Variants in GRAMD2A observed in about 807,000 individuals in gnomAD.
GRAMD2A encodes the protein GRAM domain containing 2A, also known as GRAM domain-containing protein 2A.
Under a neutral mutation model 51.1 loss-of-function variants are expected in GRAMD2A, and 37 were observed. That is an observed-to-expected ratio of 0.72 (90% CI 0.56 to 0.95). The LOEUF is 0.95. Ranked by LOEUF, GRAMD2A falls within the 40% of genes least tolerant of loss-of-function variation. The probability of loss-of-function intolerance (pLI) is 0.00; values close to 1 mark genes in which losing one functional copy is unlikely to be tolerated. For synonymous variants in GRAMD2A, 136 were observed against 157.1 expected (o/e 0.87, Z 1.01); for missense variants, 414 against 426.9 (o/e 0.97, Z 0.27).
chr15:72,180,477 C>G (rs1416237596), intron 1 of GRAMD2A, among the ~76,000 whole-genome samples: 2 of 152,268 alleles, frequency 1.3e-5, no homozygotes, highest in Non-Finnish European at 2.9e-5. Context: ...GTGAGGGGGC[C>G]TGCAGACAGG....
In GRAMD2A at chr15:72,196,479, G is replaced by A. The variant is rs533560078; in HGVS notation, c.41+1252C>T. Among the ~76,000 whole-genome samples, 16 of 151,870 alleles carry A rather than the reference G, an allele frequency of 1.1e-4. No individual in the cohort carries two copies. In the South Asian group the frequency reaches 3.3e-3, roughly 32 times the overall value. On this transcript the variant is annotated intron_variant, in intron 1 of 11. Transcript: ENST00000309731. ...TGCAGTGAGCCAAGATCCCACCACG[G>A]CACTCCAGCCTGGGTGACAGAGTGA...
At chr15:72,167,138 G>T (rs374565144) in intron 5 of GRAMD2A, 46 bp from the exon 6 acceptor site, 7 of 1,443,606 alleles carry the variant, frequency 4.8e-6, no homozygotes, top group African/African-American at 2.8e-5. Context: ...CCCCAAGGAC[G>T]TGGTCCCTTT....
intron 8 of GRAMD2A, among the ~76,000 whole-genome samples, chr15:72,164,403 C>T (rs1181597965): frequency 1.5e-5 from 2 of 130,370 alleles, no homozygotes; most frequent in African/African-American, 5.5e-5. Context: ...TCCCTAGGGA[C>T]ATCTTTTATT....
In GRAMD2A at chr15:72,170,490, T is replaced by G. The variant is rs7182776; in HGVS notation, c.42-551A>C. On this transcript the variant is annotated intron_variant, in intron 1 of 11. Transcript: ENST00000309731. The surrounding 1 kb of genome is among the most constrained non-coding windows in gnomAD (Gnocchi z 4.5). ...GTGGCCAGGAGGGGAGGAGCCGTCT[T>G]ATACCAGGAAGTGGCCTCAGCCACC... 2.2e-6 allele frequency: 1 copy of G among 445,462 alleles called. No individual in the cohort carries two copies. Among genetic ancestry groups the G allele is most frequent in the Non-Finnish European group, 4.5e-6 (1 of 221,302 alleles). 27.6% of individuals were successfully genotyped at this position (445,462 alleles called of 1,614,324 possible). A position where few individuals can be genotyped will look rare whatever the true frequency, so the allele number is the denominator to read the frequency against.
intron 7 of GRAMD2A, among the ~76,000 whole-genome samples, chr15:72,165,766 A>T (rs181533996): frequency 3.2e-4 from 48 of 152,350 alleles, no homozygotes; most frequent in African/African-American, 1.1e-3. Context: ...GGTTCCACTT[A>T]AGATTTTTCA....
rs576922158 is a variant in GRAMD2A at position 72,167,609 on chromosome 15, C to A, written c.372+127G>T. ...ATGGGATGCCTCGAAGCTGCGCATC[C>A]AACCAGCAAGGGGCTTCACCCGGGG... On this transcript the variant is annotated intron_variant, in intron 5 of 11. Coordinates refer to ENST00000309731, the MANE Select transcript of GRAMD2A (RefSeq NM_001012642.3). 5.3e-6 allele frequency: 4 copies of A among 757,996 alleles called. No individual in the cohort carries two copies. The Admixed American group carries it at 7.1e-5, about 14-fold the overall frequency. 47.0% of individuals were successfully genotyped at this position (757,996 alleles called of 1,614,324 possible).
intron 1 of GRAMD2A, among the ~76,000 whole-genome samples, chr15:72,186,010 C>T (rs891340766): frequency 6.6e-6 from 1 of 152,130 alleles, no homozygotes; most frequent in Non-Finnish European, 1.5e-5. Flanking sequence ...AGATTTAAAA[C>T]TTCTGTATAT....
chr15:72,162,358 A>G lies in GRAMD2A; in HGVS notation c.976T>C (p.Ser326Pro). The change falls in exon 11 of 12, where the codon TCC becomes CCC. Residue 326 changes from serine (S) to proline (P), a missense_variant. Physicochemically the swap from Ser to Pro is moderately conservative, Grantham distance 74 (BLOSUM62 -1). Transcript: ENST00000309731. ...ATACGGAACGCCAGGTAGGATGAGG[A>G]CATGACCAGGAAGCAGATCCTGAAG... Reference protein sequence around the residue: ...FFVLICFLVMSSSYLAFRISR... With the variant: ...FFVLICFLVMPSSYLAFRISR... The G allele has an allele frequency of 6.2e-7, 1 of 1,613,766 alleles. No individual in the cohort carries two copies.
At chr15:72,184,864 T>G (rs983361594) in intron 1 of GRAMD2A, among the ~76,000 whole-genome samples, 3 of 152,214 alleles carry the variant, frequency 2.0e-5, no homozygotes, top group Non-Finnish European at 2.9e-5. Flanking sequence ...TTGAAGATGG[T>G]CAGATAAACT....
intron 8 of GRAMD2A, 124 bp downstream of exon 8, chr15:72,165,230 T>C: frequency 1.2e-6 from 1 of 816,192 alleles, no homozygotes; most frequent in South Asian, 1.6e-5. Flanking sequence ...TGGCATAGCA[T>C]GGCCACTGAC....
Position 72,166,954 on chromosome 15 carries a change from G to T in GRAMD2A, c.471+40C>A. 6.7e-7 allele frequency: 1 copy of T among 1,490,846 alleles called. No homozygotes were observed. The highest frequency in any genetic ancestry group is 9.4e-7 in the Non-Finnish European group (1 of 1,067,818). 92.4% of individuals were successfully genotyped at this position (1,490,846 alleles called of 1,614,324 possible). A position where few individuals can be genotyped will look rare whatever the true frequency, so the allele number is the denominator to read the frequency against. ...AGACTGTGGGCTGTCAGGGCTGGGA[G>T]CGGGAGACTGACAAGGGAGCATGGG... On this transcript the variant is annotated intron_variant, in intron 6 of 11. Transcript: ENST00000309731. This position sits in a 1 kb window ranked among gnomAD's most constrained non-coding sequence, Gnocchi z 4.1.
rs1180488909 is a variant in GRAMD2A at position 72,163,866 on chromosome 15, G to C, written c.601-109C>G. 2.5e-6 allele frequency: 3 copies of C among 1,190,186 alleles called. No homozygotes were observed. The Admixed American group carries it at 8.3e-5, about 33-fold the overall frequency. The allele number at this position is 1,190,186 out of a possible 1,614,324, so 73.7% of individuals were successfully genotyped here. A position where few individuals can be genotyped will look rare whatever the true frequency, so the allele number is the denominator to read the frequency against. On this transcript the variant is annotated intron_variant, in intron 8 of 11. Coordinates refer to ENST00000309731, the MANE Select transcript of GRAMD2A (RefSeq NM_001012642.3). ...TTTTCTCCAGATATTACCAAATATA[G>C]ATGCCTAGCCAGGGATGGAAGCAGG...
At chr15:72,192,589 T>C (rs920438904) in intron 1 of GRAMD2A, among the ~76,000 whole-genome samples, 1 of 152,178 alleles carries the variant, frequency 6.6e-6, no homozygotes, top group Non-Finnish European at 1.5e-5. Context: ...CACGCTGCTG[T>C]GCGGTGGGTA....
chr15:72,164,779 A>C (rs2081523151), intron 8 of GRAMD2A, among the ~76,000 whole-genome samples: 1 of 152,162 alleles, frequency 6.6e-6, no homozygotes, highest in Admixed American at 6.5e-5. Flanking sequence ...CTGGTCCTGC[A>C]TCTGTACAGG....
rs971348763 is a variant in GRAMD2A, at chr15:72,170,124, G to A, written c.42-185C>T. The A allele has an allele frequency of 1.9e-5, 13 of 691,588 alleles. No individual in the cohort carries two copies. Among genetic ancestry groups the A allele is most frequent in the African/African-American group, 1.1e-4 (6 of 57,006 alleles). 42.8% of individuals were successfully genotyped at this position (691,588 alleles called of 1,614,324 possible). On this transcript the variant is annotated intron_variant, in intron 1 of 11. Coordinates refer to ENST00000309731, the MANE Select transcript of GRAMD2A (RefSeq NM_001012642.3). This position sits in a 1 kb window ranked among gnomAD's most constrained non-coding sequence, Gnocchi z 4.5. ...AGGCAGAGGTTCTGGGATGGCTGACGGAGTAGGCGGGTCTCACACAGCGTC... is the reference window on the plus strand; with the variant it reads ...AGGCAGAGGTTCTGGGATGGCTGACAGAGTAGGCGGGTCTCACACAGCGTC...
rs552513240 is a variant in GRAMD2A, at chr15:72,162,544, T to C, written c.957-167A>G. The stretch of plus-strand genomic sequence containing the variant: ...TCAGCATCTTTCTTCCCAGACACCA[T>C]GTAGGGGTCTTCAGACTTGTCCCCA... On this transcript the variant is annotated intron_variant, in intron 10 of 11. Coordinates refer to ENST00000309731, the MANE Select transcript of GRAMD2A (RefSeq NM_001012642.3). Among the ~76,000 whole-genome samples, 112 of 152,286 alleles carry C rather than the reference T, an allele frequency of 7.4e-4. 1 individual carries two copies. Among genetic ancestry groups the C allele is most frequent in the Admixed American group, 2.9e-3 (45 of 15,304 alleles).
chr15:72,178,564 C>CT (rs1269653722), intron 1 of GRAMD2A, among the ~76,000 whole-genome samples: 42 of 137,172 alleles, frequency 3.1e-4, no homozygotes, highest in African/African-American at 1.1e-3. Flanking sequence ...CTGTCTTGCA[C>CT]TTTCTTTTTT....
intron 1 of GRAMD2A, among the ~76,000 whole-genome samples, chr15:72,186,968 G>A (rs1444776728): frequency 2.0e-5 from 3 of 146,564 alleles, no homozygotes; most frequent in African/African-American, 7.6e-5. Context: ...CCAACATAGT[G>A]AAACCCCATC....
chr15:72,162,377 C>T lies in GRAMD2A; in HGVS notation c.957G>A (p.Leu319=). 6 of 1,609,720 alleles carry T rather than the reference C, an allele frequency of 3.7e-6. No homozygotes were observed. The highest frequency in any genetic ancestry group is 5.1e-6 in the Non-Finnish European group (6 of 1,176,458). The change falls in exon 11 of 12, where the codon CTG becomes CTA. Residue 319 remains leucine, a splice_region_variant and synonymous_variant. Transcript: ENST00000309731. ...ATGAGGACATGACCAGGAAGCAGAT[C>T]CTGAAGAAAGCGGCAATACGGAGTT... ...DYRLLKVFFV[L]ICFLVMSSSY... is the part of the protein sequence containing the mutation.
Sources: gnomAD v4.1 joint callset for allele counts (sites outside exome capture counted in the v4.1 genomes callset) on GRCh38, gnomAD v4.1.1 for gene constraint, Gnocchi (gnomAD v3.1) non-coding constraint, MANE v1.5 for transcripts, NCBI Gene and HGNC (gene_info 2026-07-23, HGNC 2026-07-21) for gene names.